WDPCP: variants seen among roughly 807,000 people sequenced by gnomAD.
WDPCP encodes the protein WD repeat containing planar cell polarity effector, also known as WD repeat-containing and planar cell polarity effector protein fritz homolog.
A neutral mutation model predicts 93.1 loss-of-function variants in WDPCP; 71 were observed. The observed-to-expected ratio is 0.76, with a 90% CI of 0.63 to 0.93. WDPCP has a LOEUF of 0.93. Among genes scored for constraint, WDPCP ranks in the 40% least tolerant of loss-of-function variants. The pLI, the probability that WDPCP is intolerant of heterozygous loss-of-function variation, is 0.00. For missense variants in WDPCP, 844 were observed against 887.4 expected (o/e 0.95, Z 0.62); for synonymous variants, 315 against 315.0 (o/e 1.00, Z 0.00).
chr2:63,308,656 T>C (rs957879020), intron 13 of WDPCP, among the ~76,000 whole-genome samples: 3 of 151,576 alleles, frequency 2.0e-5, no homozygotes, highest in East Asian at 1.9e-4. Context: ...GAAAACCAAA[T>C]AGCACATGTT....
At chr2:63,552,243 C>T (rs1483914998) in intron 1 of WDPCP, among the ~76,000 whole-genome samples, 2 of 150,768 alleles carry the variant, frequency 1.3e-5, no homozygotes, top group Non-Finnish European at 2.9e-5. Context: ...AGAATGAAGA[C>T]TTATAAAAAA....
chr2:63,727,483 T>C (rs542410456), intron 2 of WDPCP, among the ~76,000 whole-genome samples: 55 of 152,328 alleles, frequency 3.6e-4, no homozygotes, highest in African/African-American at 1.2e-3. Flanking sequence ...TCTATGCTCA[T>C]CAGGGATATT....
chr2:63,762,471 T>C (rs960409111), intron 2 of WDPCP, among the ~76,000 whole-genome samples: 14 of 152,202 alleles, frequency 9.2e-5, no homozygotes, highest in African/African-American at 3.4e-4. Context: ...CAGGACAATG[T>C]ATGGTCTTTA....
At chr2:63,719,528 T>G (rs918713240) in intron 2 of WDPCP, among the ~76,000 whole-genome samples, 42 of 152,126 alleles carry the variant, frequency 2.8e-4, no homozygotes, top group African/African-American at 9.4e-4. Context: ...AATTTTAACA[T>G]CACTTTGTCA....
chr2:63,682,983 T>C (rs1027681744), intron 2 of WDPCP, among the ~76,000 whole-genome samples: 5 of 152,232 alleles, frequency 3.3e-5, no homozygotes, highest in Non-Finnish European at 7.4e-5. Context: ...GTTTTCTCTT[T>C]GCTTGTGTTT....
chr2:63,304,896 C>T (rs1477131568), intron 13 of WDPCP, among the ~76,000 whole-genome samples: 2 of 152,086 alleles, frequency 1.3e-5, no homozygotes, highest in Non-Finnish European at 2.9e-5. Context: ...CTGGGACACT[C>T]GAGCCTGGTG....
At chr2:63,243,750 A>T (rs1320793763) in intron 14 of WDPCP, among the ~76,000 whole-genome samples, 1 of 152,142 alleles carries the variant, frequency 6.6e-6, no homozygotes, top group East Asian at 1.9e-4. Flanking sequence ...ACAGCTGTAC[A>T]ATAATAATGG....
At chr2:63,430,814 G>A (rs985857803) in intron 9 of WDPCP, among the ~76,000 whole-genome samples, 7 of 152,194 alleles carry the variant, frequency 4.6e-5, no homozygotes, top group Non-Finnish European at 7.3e-5. Flanking sequence ...CCTGGGAGGC[G>A]GAGATTGCAG....
chr2:63,643,022 CT>C (rs1351489062), intron 3 of WDPCP: 1 of 153,114 alleles, frequency 6.5e-6, no homozygotes, highest in Non-Finnish European at 1.5e-5. Flanking sequence ...TGAGGTTTTT[CT>C]TTTATCATGA....
chr2:63,528,052 C>A (rs1405081477), intron 1 of WDPCP, among the ~76,000 whole-genome samples: 1 of 151,572 alleles, frequency 6.6e-6, no homozygotes, highest in Non-Finnish European at 1.5e-5. Flanking sequence ...CCTTCGCCCC[C>A]TTTTTCAGGG....
chr2:63,315,528 G>A (rs1370737540), intron 12 of WDPCP, among the ~76,000 whole-genome samples: 1 of 151,686 alleles, frequency 6.6e-6, no homozygotes, highest in Non-Finnish European at 1.5e-5. Flanking sequence ...AGAAAACAAG[G>A]CACTATAACT....
chr2:63,610,538 G>GA (rs1558865983), intron 3 of WDPCP, among the ~76,000 whole-genome samples: 4 of 150,858 alleles, frequency 2.7e-5, no homozygotes, highest in Non-Finnish European at 3.0e-5. Flanking sequence ...TCCTTACAGG[G>GA]AAAAAAATAC....
At position 63,120,925 on chromosome 2, in the gene WDPCP, G is replaced by A. The variant is rs554565631; in HGVS notation, c.*1081C>T. ...GTATGAGATTTTACCCTACTTACTA[G>A]CTAACAAGTTACCACACTATAGTTT... On this transcript the variant is annotated 3_prime_UTR_variant, in exon 18 of 18. Coordinates refer to ENST00000272321, the MANE Select transcript of WDPCP (RefSeq NM_015910.7). Among the ~76,000 whole-genome samples the A allele has an allele frequency of 9.9e-5, 15 of 152,220 alleles. No individual in the cohort carries two copies. In the East Asian group the frequency reaches 2.9e-3, roughly 29 times the overall value.
intron 2 of WDPCP, among the ~76,000 whole-genome samples, chr2:63,795,400 G>A (rs1670598595): frequency 6.6e-6 from 1 of 151,854 alleles, no homozygotes; most frequent in Non-Finnish European, 1.5e-5. Flanking sequence ...GTGCAGTGGT[G>A]CACATCTATA....
intron 1 of WDPCP, among the ~76,000 whole-genome samples, chr2:63,524,468 T>C (rs1198384020): frequency 6.6e-6 from 1 of 152,168 alleles, no homozygotes; most frequent in South Asian, 2.1e-4. Context: ...AACTCTCTGA[T>C]CTTTGACAAG....
intron 6 of WDPCP, among the ~76,000 whole-genome samples, chr2:63,458,060 G>T (rs937810804): frequency 1.3e-5 from 2 of 150,616 alleles, no homozygotes; most frequent in Non-Finnish European, 2.9e-5. Context: ...GGAGGCCAAG[G>T]TTGCAGTAAG....
chr2:63,509,082 C>T (rs1199762021), intron 1 of WDPCP, among the ~76,000 whole-genome samples: 1 of 152,150 alleles, frequency 6.6e-6, no homozygotes, highest in African/African-American at 2.4e-5. Context: ...ACCAAGCGGA[C>T]CTAATAGACA....
At chr2:63,824,972 A>T (rs1227514703) in intron 1 of WDPCP, among the ~76,000 whole-genome samples, 1 of 152,212 alleles carries the variant, frequency 6.6e-6, no homozygotes, top group Admixed American at 6.5e-5. Flanking sequence ...AGCTGAAAGC[A>T]AATTGGGCAA....
intron 14 of WDPCP, among the ~76,000 whole-genome samples, chr2:63,194,111 TTTGATA>T (rs1675240315): frequency 6.6e-6 from 1 of 152,222 alleles, no homozygotes; most frequent in Non-Finnish European, 1.5e-5. Context: ...TTAAAAATGT[TTTGATA>T]TTATTTTTTC....
Sources: gnomAD v4.1 joint callset for allele counts (sites outside exome capture counted in the v4.1 genomes callset) on GRCh38, gnomAD v4.1.1 for gene constraint, MANE v1.5 for transcripts, NCBI Gene and HGNC (gene_info 2026-07-23, HGNC 2026-07-21) for gene names.